Variants in BLTP1 observed in about 807,000 individuals in gnomAD.
BLTP1 encodes bridge-like lipid transfer protein family member 1.
the BLTP1 span, chr4:122,347,325 T>C: frequency 1.1e-6 from 1 of 886,538 alleles, no homozygotes; most frequent in Non-Finnish European, 1.4e-6. Flanking sequence ...AGGTCCTGTT[T>C]TGCTCTTTTC....
At chr4:122,171,871 G>A in the BLTP1 span, 25 of 984,818 alleles carry the variant, frequency 2.5e-5, no homozygotes, top group African/African-American at 1.9e-4. Flanking sequence ...ATGAGCATAG[G>A]GGGGCGTGAT....
At chr4:122,209,001 AAAAGATAAATAATAC>A in the BLTP1 span, 2 of 650,992 alleles carry the variant, frequency 3.1e-6, no homozygotes, top group Non-Finnish European at 1.9e-6. Context: ...AAAAAAAAAA[AAAAGATAAATAATAC>A]AATAAAATAA....
the BLTP1 span, chr4:122,222,018 G>A: frequency 2.1e-6 from 1 of 485,538 alleles, no homozygotes; most frequent in Non-Finnish European, 2.7e-6. Context: ...GAATTATAAA[G>A]TATGACTTAT....
chr4:122,222,819 A>C, the BLTP1 span: 1 of 178,086 alleles, frequency 5.6e-6, no homozygotes, highest in African/African-American at 2.4e-5. Context: ...GATCATATTC[A>C]CAGGTTCCAG....
At chr4:122,283,608 G>A in the BLTP1 span, among the ~76,000 whole-genome samples, 1 of 152,244 alleles carries the variant, frequency 6.6e-6, no homozygotes, top group Admixed American at 6.5e-5. Flanking sequence ...ACCTCCTCAA[G>A]TGATCCTCCA....
chr4:122,155,388 A>G, the BLTP1 span, among the ~76,000 whole-genome samples: 9 of 151,378 alleles, frequency 5.9e-5, no homozygotes, highest in South Asian at 2.1e-4. Context: ...CAGTGGCGCA[A>G]TCTCTTCTCA....
At chr4:122,244,156 TA>T in the BLTP1 span, 5 of 993,938 alleles carry the variant, frequency 5.0e-6, no homozygotes, top group Non-Finnish European at 6.8e-6. Flanking sequence ...TATGTTCATA[TA>T]GAAGATTATT....
chr4:122,349,564 G>C, the BLTP1 span: 1 of 1,612,506 alleles, frequency 6.2e-7, no homozygotes, highest in African/African-American at 1.3e-5. The surrounding 1 kb of genome is among the most constrained non-coding windows in gnomAD (Gnocchi z 4.5). Context: ...GGCATCTTCA[G>C]TAATGCTGAT....
the BLTP1 span, chr4:122,348,809 C>A: frequency 2.4e-6 from 2 of 826,526 alleles, no homozygotes; most frequent in Non-Finnish European, 3.7e-6. Flanking sequence ...TTTTTGAATG[C>A]TAAATATTTG....
chr4:122,156,678 G>C, the BLTP1 span, among the ~76,000 whole-genome samples: 1 of 152,218 alleles, frequency 6.6e-6, no homozygotes, highest in East Asian at 1.9e-4. Flanking sequence ...CTATGAGTTT[G>C]AGAGAAGGTT....
the BLTP1 span, chr4:122,339,084 C>T: frequency 8.6e-7 from 1 of 1,159,380 alleles, no homozygotes; most frequent in Non-Finnish European, 1.2e-6. Context: ...AGGTGATATA[C>T]TTTATTTCTT....
At chr4:122,274,246 T>C in the BLTP1 span, 1 of 744,810 alleles carries the variant, frequency 1.3e-6, no homozygotes, top group Non-Finnish European at 2.1e-6. Context: ...AAATTATCTT[T>C]TGCTACTGAA....
the BLTP1 span, chr4:122,325,816 G>GT: frequency 0.23 from 173,790 of 755,748 alleles, 372 homozygotes; most frequent in Non-Finnish European, 0.25. Context: ...TTTTTCATGA[G>GT]TTTTTTTTTT....
At chr4:122,356,828 G>C in the BLTP1 span, 69 of 1,536,126 alleles carry the variant, frequency 4.5e-5, no homozygotes, top group Non-Finnish European at 5.6e-5. Flanking sequence ...GAATTGTTAT[G>C]GTCTAATGAG....
chr4:122,361,897 T>C, the BLTP1 span: 9 of 977,736 alleles, frequency 9.2e-6, no homozygotes. Context: ...TATGGGCTCA[T>C]TTATACAAAT....
chr4:122,324,462 C>T, the BLTP1 span: 1 of 1,610,668 alleles, frequency 6.2e-7, no homozygotes, highest in Non-Finnish European at 8.5e-7. Flanking sequence ...GTTTGAGTTA[C>T]AAACCAAGTT....
At chr4:122,328,508 T>A in the BLTP1 span, 2 of 780,468 alleles carry the variant, frequency 2.6e-6, no homozygotes, top group Non-Finnish European at 1.8e-6. Flanking sequence ...AAATTTATTT[T>A]AATAAAATTT....
chr4:122,289,608 C>T, the BLTP1 span: 1 of 985,234 alleles, frequency 1.0e-6, no homozygotes, highest in Non-Finnish European at 1.2e-6. Context: ...TTTGCTGTTC[C>T]TCAAGAATAG....
At chr4:122,247,265 G>A in the BLTP1 span, 1 of 1,613,464 alleles carries the variant, frequency 6.2e-7, no homozygotes, top group Non-Finnish European at 8.5e-7. Context: ...GGATCTCTCA[G>A]ATCAAATGCT....
Sources: gnomAD v4.1 joint callset for allele counts (sites outside exome capture counted in the v4.1 genomes callset) on GRCh38, gnomAD v4.1.1 for gene constraint, Gnocchi (gnomAD v3.1) non-coding constraint, MANE v1.5 for transcripts, NCBI Gene and HGNC (gene_info 2026-07-23, HGNC 2026-07-21) for gene names.